Variants in SOX5 observed in about 807,000 individuals in gnomAD.
SOX5 encodes SRY-box transcription factor 5, also known as transcription factor SOX-5.
A neutral mutation model predicts 92.0 loss-of-function variants in SOX5; 9 were observed. The observed-to-expected ratio is 0.10, with a 90% CI of 0.06 to 0.17. The LOEUF is 0.17. SOX5 is among the 10% of genes least tolerant of loss of function. The pLI is 1.00. For synonymous variants in SOX5, 344 were observed against 336.3 expected, an observed-to-expected ratio of 1.02 and a Z score of -0.25; for missense variants, 642 against 944.5, an observed-to-expected ratio of 0.68 and a Z score of 4.20.
chr12:23,602,307 C>G (rs533648521), intron 9 of SOX5, among the ~76,000 whole-genome samples: 15 of 152,088 alleles, frequency 9.9e-5, no homozygotes, highest in Non-Finnish European at 2.1e-4. Context: ...CTATATAGTT[C>G]ATAAAGCAAT....
intron 2 of SOX5, among the ~76,000 whole-genome samples, chr12:24,296,843 G>GA (rs1467996822): frequency 1.5e-5 from 2 of 137,714 alleles, no homozygotes; most frequent in Non-Finnish European, 3.1e-5. Flanking sequence ...AAAGTAGTTT[G>GA]AAAAAATGCT....
chr12:23,750,774 C>A (rs1466293667), intron 4 of SOX5, among the ~76,000 whole-genome samples: 1 of 151,670 alleles, frequency 6.6e-6, no homozygotes, highest in Admixed American at 6.6e-5. Flanking sequence ...TTATTAAGTA[C>A]CTTAAAAAGT....
At chr12:23,773,719 GA>G (rs976356468) in intron 3 of SOX5, among the ~76,000 whole-genome samples, 256 of 144,734 alleles carry the variant, frequency 1.8e-3, no homozygotes, top group African/African-American at 4.2e-3. Flanking sequence ...TTCTAAAAAG[GA>G]AAAAAAAAAA....
chr12:23,538,885 C>T (rs550729623), intron 13 of SOX5, among the ~76,000 whole-genome samples: 1 of 147,668 alleles, frequency 6.8e-6, no homozygotes, highest in Non-Finnish European at 1.5e-5. Flanking sequence ...ACTGCAAGCT[C>T]CACCTCCCGG....
In SOX5 at chr12:24,035,293, A is replaced by G. The variant is rs757709524; in HGVS notation, c.-1-139269T>C. ...GGATTTACTTGGTAAAAGCTAACCA[A>G]TGATAACAACCACAGTTTGCATTTC... On this transcript the variant is annotated intron_variant, in intron 4 of 4. Coordinates refer to the SOX5 transcript ENST00000446891. 2.0e-5 allele frequency among the ~76,000 whole-genome samples: 3 copies of G among 152,122 alleles called. No homozygotes were observed. In the South Asian group the frequency reaches 6.2e-4, roughly 31 times the overall value.
At chr12:24,529,421 A>C (rs1950982732) in intron 1 of SOX5, among the ~76,000 whole-genome samples, 1 of 152,250 alleles carries the variant, frequency 6.6e-6, no homozygotes, top group South Asian at 2.1e-4. Flanking sequence ...GCATGTTATC[A>C]AAATAATGAG....
chr12:24,016,690 C>T (rs142279235), intron 4 of SOX5, among the ~76,000 whole-genome samples: 2 of 152,300 alleles, frequency 1.3e-5, no homozygotes, highest in African/African-American at 4.8e-5. Flanking sequence ...AAGAGTTTGG[C>T]GTCCGCCTTT....
At chr12:24,219,165 A>C (rs1219388943) in intron 3 of SOX5, among the ~76,000 whole-genome samples, 1 of 152,084 alleles carries the variant, frequency 6.6e-6, no homozygotes, top group African/African-American at 2.4e-5. Flanking sequence ...CAAATTTTGA[A>C]AGAGGGGGAA....
chr12:24,535,058 G>T (rs935469915), intron 1 of SOX5, among the ~76,000 whole-genome samples: 2 of 152,164 alleles, frequency 1.3e-5, no homozygotes, highest in Non-Finnish European at 2.9e-5. Flanking sequence ...CAAGGCAAAG[G>T]CCCAAACTGG....
intron 4 of SOX5, among the ~76,000 whole-genome samples, chr12:24,139,447 A>G (rs1368341325): frequency 6.6e-6 from 1 of 152,220 alleles, no homozygotes; most frequent in Non-Finnish European, 1.5e-5. Context: ...AAAACTCTTA[A>G]ATAAAATTAG....
chr12:23,657,832 G>A (rs1366267035), intron 7 of SOX5, among the ~76,000 whole-genome samples: 2 of 152,178 alleles, frequency 1.3e-5, no homozygotes, highest in South Asian at 2.1e-4. Flanking sequence ...TGAAGGAGGA[G>A]ACTCATGTTG....
chr12:23,587,494 G>T (rs145334897), intron 9 of SOX5, among the ~76,000 whole-genome samples: 2 of 151,952 alleles, frequency 1.3e-5, no homozygotes, highest in Non-Finnish European at 2.9e-5. Flanking sequence ...TGAAAAATTA[G>T]ACTGCAATCA....
chr12:23,547,844 G>A (rs1054542044), intron 11 of SOX5, among the ~76,000 whole-genome samples: 1 of 152,042 alleles, frequency 6.6e-6, no homozygotes, highest in Non-Finnish European at 1.5e-5. Flanking sequence ...GACTCGATTT[G>A]TTTTGTGTGT....
chr12:23,771,530 G>A (rs975698010), intron 3 of SOX5, among the ~76,000 whole-genome samples: 5 of 152,296 alleles, frequency 3.3e-5, no homozygotes, highest in South Asian at 2.1e-4. Context: ...TTATACAACC[G>A]CTGACTGAGT....
chr12:23,796,994 G>T (rs961891803), intron 3 of SOX5, among the ~76,000 whole-genome samples: 1 of 149,596 alleles, frequency 6.7e-6, no homozygotes, highest in Non-Finnish European at 1.5e-5. Flanking sequence ...ACATTTAAGG[G>T]GGAAATTAGT....
chr12:23,819,622 T>C (rs112213204), intron 3 of SOX5, among the ~76,000 whole-genome samples: 125 of 152,142 alleles, frequency 8.2e-4, no homozygotes, highest in African/African-American at 2.8e-3. Flanking sequence ...TGTTCCCCTC[T>C]CTGTGTCCAT....
chr12:23,755,425 A>G (rs2094334931), intron 4 of SOX5, among the ~76,000 whole-genome samples: 1 of 151,836 alleles, frequency 6.6e-6, no homozygotes, highest in Non-Finnish European at 1.5e-5. Context: ...GATTCTGTTG[A>G]AAACAACATA....
At chr12:24,049,733 A>C (rs1957383775) in intron 4 of SOX5, among the ~76,000 whole-genome samples, 1 of 141,526 alleles carries the variant, frequency 7.1e-6, no homozygotes, top group Non-Finnish European at 1.5e-5. Flanking sequence ...ATGAAGGACC[A>C]GTTCTCTGGA....
intron 2 of SOX5, among the ~76,000 whole-genome samples, chr12:23,848,002 A>C (rs936317581): frequency 6.6e-6 from 1 of 152,192 alleles, no homozygotes; most frequent in Non-Finnish European, 1.5e-5. Flanking sequence ...TGTTTTTATG[A>C]ATGGTCCATA....
Sources: gnomAD v4.1 joint callset for allele counts (sites outside exome capture counted in the v4.1 genomes callset) on GRCh38, gnomAD v4.1.1 for gene constraint, MANE v1.5 for transcripts, NCBI Gene and HGNC (gene_info 2026-07-23, HGNC 2026-07-21) for gene names.